The following BRF1 variants were observed in gnomAD, a reference collection of about 807,000 sequenced individuals.
BRF1 encodes the protein transcription factor IIIB 90 kDa subunit.
Under a neutral mutation model 81.7 loss-of-function variants are expected in BRF1, and 59 were observed. That is an observed-to-expected ratio of 0.72 (90% CI 0.59 to 0.90). The LOEUF is 0.90. BRF1 is among the 40% of genes least tolerant of loss of function. The probability of loss-of-function intolerance (pLI) is 0.00; values close to 1 mark genes in which losing one functional copy is unlikely to be tolerated. For missense variants in BRF1, 1,050 were observed against 936.3 expected, an observed-to-expected ratio of 1.12 and a Z score of -1.58; for synonymous variants, 491 against 395.6, an observed-to-expected ratio of 1.24 and a Z score of -2.86.
upstream of BRF1, among the ~76,000 whole-genome samples, chr14:105,302,146 C>CA (rs377143444): frequency 0.023 from 2,622 of 116,448 alleles, 33 homozygotes; most frequent in Middle Eastern, 0.059. Context: ...AACTCTGTCT[C>CA]AAAAAAAAAA....
At chr14:105,241,151 G>A (rs587745315) in intron 6 of BRF1, 114 bp downstream of exon 6, 2 of 1,494,270 alleles carry the variant, frequency 1.3e-6, no homozygotes, top group South Asian at 2.5e-5. Flanking sequence ...GAGGCTGGAG[G>A]CAGCTCTCAG....
chr14:105,217,503 G>C (rs779235642), intron 15 of BRF1, 41 bp downstream of exon 15: 4 of 1,593,806 alleles, frequency 2.5e-6, no homozygotes, highest in Non-Finnish European at 3.4e-6. Flanking sequence ...TGCCCGCCCT[G>C]GGCTGCTGCC....
At chr14:105,298,653 A>C (rs2057840066) in intron 1 of BRF1, among the ~76,000 whole-genome samples, 1 of 149,712 alleles carries the variant, frequency 6.7e-6, no homozygotes, top group African/African-American at 2.5e-5. Flanking sequence ...TCAGGTGTTC[A>C]AGACCAGCCT....
At chr14:105,314,482 CG>C (rs1301061913) in intron 1 of BRF1, 4 of 148,308 alleles carry the variant, frequency 2.7e-5, no homozygotes, top group Non-Finnish European at 4.5e-5. Flanking sequence ...GCGCCCCGGG[CG>C]GGGTCTGTGC....
chr14:105,261,271 C>T (rs587692941), intron 3 of BRF1, among the ~76,000 whole-genome samples: 4 of 152,332 alleles, frequency 2.6e-5, no homozygotes, highest in African/African-American at 7.2e-5. Context: ...CCTCAAAGGG[C>T]GCCAGACATT....
Position 105,272,846 on chromosome 14 carries a change from TGCTGGTTCAGCTGCA to T in BRF1, c.299_313del (p.Leu100_Gln104del). ...GAAGTTGAAGGCGGTGTCCAGGCAG[TGCTGGTTCAGCTGCA>T]GCTGGTTCCCCAGGTGGTGGATGTG... On this transcript the variant is annotated inframe_deletion, in exon 3 of 18. Coordinates refer to ENST00000547530, the MANE Select transcript of BRF1 (RefSeq NM_001519.4). The T allele has an allele frequency of 6.2e-7, 1 of 1,613,906 alleles. No homozygotes were observed. Among genetic ancestry groups the T allele is most frequent in the Non-Finnish European group, 8.5e-7 (1 of 1,179,880 alleles).
At chr14:105,297,658 T>G (rs2057798251) in intron 1 of BRF1, among the ~76,000 whole-genome samples, 1 of 152,102 alleles carries the variant, frequency 6.6e-6, no homozygotes, top group South Asian at 2.1e-4. Context: ...CACCAGGACT[T>G]TTGTACAGGT....
chr14:105,210,503 G>A lies in BRF1; in HGVS notation c.*48C>T, dbSNP rs1566789818. The stretch of plus-strand genomic sequence containing the variant: ...CTGGAAGCCCGTCTGATGCTGAGGA[G>A]ACCCGCGAGGCCCCCTGCCAGGACA... On this transcript the variant is annotated 3_prime_UTR_variant, in exon 18 of 18. Coordinates refer to ENST00000547530, the MANE Select transcript of BRF1 (RefSeq NM_001519.4). This position sits in a 1 kb window ranked among gnomAD's most constrained non-coding sequence, Gnocchi z 4.7. 6.2e-7 allele frequency: 1 copy of A among 1,602,734 alleles called. No individual in the cohort carries two copies. The highest frequency in any genetic ancestry group is 8.5e-7 in the Non-Finnish European group (1 of 1,177,528).
chr14:105,295,702 T>A (rs587621796), intron 1 of BRF1, among the ~76,000 whole-genome samples: 1 of 151,842 alleles, frequency 6.6e-6, no homozygotes, highest in Non-Finnish European at 1.5e-5. Flanking sequence ...AAGGATCTCT[T>A]GAACCCAGAA....
chr14:105,270,924 G>A (rs2816629), intron 3 of BRF1, among the ~76,000 whole-genome samples: 42,878 of 152,012 alleles, frequency 0.28, 6,262 homozygotes, highest in Middle Eastern at 0.31. Flanking sequence ...AAGAGAAGCA[G>A]GCCACCAGGA....
chr14:105,304,068 C>T (rs779139862), upstream of BRF1, among the ~76,000 whole-genome samples: 1 of 152,202 alleles, frequency 6.6e-6, no homozygotes, highest in Non-Finnish European at 1.5e-5. Context: ...GTGCAAGGGG[C>T]AGCATGCCTC....
chr14:105,246,985 C>G, intron 5 of BRF1: 2 of 985,464 alleles, frequency 2.0e-6, no homozygotes, highest in South Asian at 4.7e-5. Flanking sequence ...CCACAACCTG[C>G]TGATCCTTTC....
intron 3 of BRF1, among the ~76,000 whole-genome samples, chr14:105,265,241 C>T: frequency 6.6e-6 from 1 of 151,744 alleles, no homozygotes. Context: ...TGGCTAATTT[C>T]TTTTATTAGC....
At chr14:105,244,548 G>A (rs746293137) in intron 5 of BRF1, among the ~76,000 whole-genome samples, 4 of 152,034 alleles carry the variant, frequency 2.6e-5, no homozygotes, top group African/African-American at 9.7e-5. Context: ...GTGGGCAAAC[G>A]CGGAGTGGCA....
upstream of BRF1, among the ~76,000 whole-genome samples, chr14:105,305,219 G>A (rs1246455510): frequency 6.6e-6 from 1 of 151,984 alleles, no homozygotes; most frequent in Non-Finnish European, 1.5e-5. Context: ...TAAGCAACAT[G>A]GCAAAACCCT....
At chr14:105,225,704 G>A (rs377677739) in intron 10 of BRF1, among the ~76,000 whole-genome samples, 78 of 151,770 alleles carry the variant, frequency 5.1e-4, no homozygotes, top group African/African-American at 1.6e-3. Flanking sequence ...CTGGAGTGCC[G>A]TGGTGCGATC....
chr14:105,212,317 C>T (rs1451045115), intron 15 of BRF1, 153 bp from the exon 16 acceptor site: 6 of 929,840 alleles, frequency 6.5e-6, no homozygotes, highest in Admixed American at 2.3e-5. Flanking sequence ...CTGTGTGCTC[C>T]ATCAGTGCTC....
chr14:105,312,046 C>T (rs769901486), intron 1 of BRF1, among the ~76,000 whole-genome samples: 2 of 152,212 alleles, frequency 1.3e-5, no homozygotes, highest in Non-Finnish European at 2.9e-5. Flanking sequence ...AGTGCTGGCC[C>T]TGGAGGAGGC....
upstream of BRF1, among the ~76,000 whole-genome samples, chr14:105,303,397 C>G (rs1485854666): frequency 6.6e-6 from 1 of 152,110 alleles, no homozygotes; most frequent in African/African-American, 2.4e-5. Context: ...GTGCCCACCA[C>G]CATGCCTGGC....
Sources: gnomAD v4.1 joint callset for allele counts (sites outside exome capture counted in the v4.1 genomes callset) on GRCh38, gnomAD v4.1.1 for gene constraint, Gnocchi (gnomAD v3.1) non-coding constraint, MANE v1.5 for transcripts, NCBI Gene and HGNC (gene_info 2026-07-23, HGNC 2026-07-21) for gene names.